Variants in TRIM66 observed in about 807,000 individuals in gnomAD.
TRIM66 encodes tripartite motif containing 66.
TRIM66 carries 99 observed loss-of-function variants against 148.2 expected under a neutral mutation model. That is an observed-to-expected ratio of 0.67 (90% CI 0.57 to 0.79). The LOEUF is 0.79. Ranked by LOEUF, TRIM66 falls within the 30% of genes least tolerant of loss-of-function variation. TRIM66 has a pLI of 0.00. For missense variants in TRIM66, 1,666 were observed against 1,697.9 expected (o/e 0.98, Z 0.33); for synonymous variants, 616 against 635.9 (o/e 0.97, Z 0.47).
chr11:8,638,813 A>T lies in TRIM66; in HGVS notation c.2151T>A (p.Ala717=), dbSNP rs931717118. 15 of 1,550,302 alleles carry T rather than the reference A, an allele frequency of 9.7e-6. No individual in the cohort carries two copies. Among genetic ancestry groups the T allele is most frequent in the Middle Eastern group, 1.7e-4 (1 of 6,000 alleles). The stretch of plus-strand genomic sequence containing the variant: ...CCTGAGATGCTGGGGGCTCATCTGT[A>T]GCCTGGAGAAGAAAATAAGAACTTG... ...QSQSQEETLQ[A]TDEPPASQGS... Residue 717 remains alanine, a splice_region_variant and synonymous_variant, in exon 15 of 25, where the codon GCT becomes GCA. Transcript: ENST00000646038.
intron 12 of TRIM66, among the ~76,000 whole-genome samples, chr11:8,643,603 A>C (rs112853000): frequency 2.4e-3 from 372 of 152,158 alleles, no homozygotes; most frequent in African/African-American, 8.6e-3. Context: ...CGGCCTCCCA[A>C]AGTGCTGGAA....
At chr11:8,670,203 G>A (rs2038856855) in intron 6 of TRIM66, among the ~76,000 whole-genome samples, 3 of 152,010 alleles carry the variant, frequency 2.0e-5, no homozygotes, top group South Asian at 2.1e-4. Flanking sequence ...AGTAGAGATA[G>A]GGTTTCACCA....
intron 1 of TRIM66, among the ~76,000 whole-genome samples, chr11:8,682,008 C>T (rs1680811520): frequency 1.3e-5 from 2 of 152,146 alleles, no homozygotes; most frequent in South Asian, 4.1e-4. Flanking sequence ...GAAATCCTCC[C>T]GCCTCGACCT....
intron 6 of TRIM66, among the ~76,000 whole-genome samples, chr11:8,660,872 T>C (rs373395503): frequency 2.2e-4 from 33 of 152,316 alleles, no homozygotes; most frequent in African/African-American, 7.9e-4. Context: ...ATTATAGATA[T>C]GAAAGTGTGA....
At chr11:8,680,339 AC>A (rs2039352380) in intron 1 of TRIM66, among the ~76,000 whole-genome samples, 1 of 152,222 alleles carries the variant, frequency 6.6e-6, no homozygotes, top group African/African-American at 2.4e-5. Context: ...CGGAATACTA[AC>A]GTGGTGGAGG....
intron 18 of TRIM66, among the ~76,000 whole-genome samples, chr11:8,622,339 A>AACACACACACACACACACACACACACAC (rs150269400): frequency 1.4e-5 from 1 of 71,430 alleles, no homozygotes; most frequent in African/African-American, 4.8e-5. Context: ...ACACACACAC[A>AACACACACACACACACACACACACACAC]ACACACACAC....
At chr11:8,668,662 T>G (rs1049159922) in intron 6 of TRIM66, among the ~76,000 whole-genome samples, 2 of 151,988 alleles carry the variant, frequency 1.3e-5, no homozygotes, top group African/African-American at 4.8e-5. Context: ...CTCGGCTCAC[T>G]GCAATCTCCG....
At chr11:8,650,030 G>A in intron 7 of TRIM66, 143 bp from the exon 8 acceptor site, 1 of 953,244 alleles carries the variant, frequency 1.0e-6, no homozygotes, top group East Asian at 2.7e-5. Flanking sequence ...GAGCTGTCTG[G>A]GAGTAACATG....
rs2033795617 is a variant in TRIM66, at chr11:8,617,508, T to C, written c.*436A>G. ...TGGGCCAGGGATCACAGTCCTGCCA[T>C]ATGTCTAAACCTCTCTCCCTTCTTT... On this transcript the variant is annotated 3_prime_UTR_variant, in exon 25 of 25. Transcript: ENST00000646038. 1.2e-5 allele frequency: 2 copies of C among 165,530 alleles called. No homozygotes were observed. Among genetic ancestry groups the C allele is most frequent in the Non-Finnish European group, 2.6e-5 (2 of 76,250 alleles). The allele number at this position is 165,530 out of a possible 1,614,324, so 10.3% of individuals were successfully genotyped here.
intron 13 of TRIM66, 123 bp downstream of exon 13, chr11:8,642,886 C>A: frequency 1.5e-4 from 49 of 335,062 alleles, no homozygotes; most frequent in South Asian, 2.3e-4. Context: ...TGAATGATTC[C>A]ATGACCACTG....
chr11:8,622,380 A>ATATATATATATATATATC (rs1565477382), intron 18 of TRIM66, among the ~76,000 whole-genome samples: 1 of 128,488 alleles, frequency 7.8e-6, no homozygotes, highest in Non-Finnish European at 1.7e-5. Context: ...ATATATATAT[A>ATATATATATATATATATC]TATCTCCTAC....
In TRIM66 at chr11:8,619,634, A is replaced by G. The variant is rs532196763; in HGVS notation, c.3748-99T>C. The G allele has an allele frequency of 3.4e-6, 4 of 1,185,456 alleles. No individual in the cohort carries two copies. In the South Asian group the frequency reaches 7.0e-5, roughly 21 times the overall value. The allele number at this position is 1,185,456 out of a possible 1,614,324, so 73.4% of individuals were successfully genotyped here. ...GAAGAAATGGAAAATGAGGTGAAAT[A>G]TAAGTGAAAGAATAGGAAGAGGAAT... On this transcript the variant is annotated intron_variant, in intron 22 of 24. Transcript: ENST00000646038.
At chr11:8,675,653 A>C (rs530616452) in intron 3 of TRIM66, among the ~76,000 whole-genome samples, 1 of 152,314 alleles carries the variant, frequency 6.6e-6, no homozygotes, top group African/African-American at 2.4e-5. Context: ...AAGTGCTGGG[A>C]TTACAGGCAT....
At chr11:8,672,191 T>A (rs1030057166) in intron 5 of TRIM66, 57 bp downstream of exon 5, 2 of 1,534,990 alleles carry the variant, frequency 1.3e-6, no homozygotes, top group African/African-American at 1.4e-5. Flanking sequence ...GCCTCAAAAG[T>A]CCAGGCCATG....
chr11:8,660,806 A>C (rs2038196801), intron 6 of TRIM66, among the ~76,000 whole-genome samples: 1 of 152,226 alleles, frequency 6.6e-6, no homozygotes, highest in Non-Finnish European at 1.5e-5. Context: ...AAGTTTGTGT[A>C]GGATGTTTCA....
At position 8,643,009 on chromosome 11, in the gene TRIM66, C is replaced by A. The variant is rs2036538326; in HGVS notation, c.1222G>T (p.Gly408Cys). The A allele has an allele frequency of 6.5e-7, 1 of 1,549,426 alleles. No homozygotes were observed. The highest frequency in any genetic ancestry group is 1.2e-5 in the South Asian group (1 of 83,696). Residue 408 changes from glycine to cysteine, a missense_variant and splice_region_variant, in exon 13 of 25, where the codon GGC becomes TGC. By Grantham distance (159) the Gly-to-Cys change is radical (BLOSUM62 -3). Coordinates refer to ENST00000646038, the MANE Select transcript of TRIM66 (RefSeq NM_001388022.1). ...NFWTKQLASL[G>C]CITTEGGQMS... ...CCTGGGTGGGTGGGTCCAAGCTCAC[C>A]AAGAGAAGCTAGCTGCTTGGTCCAG... is the stretch of plus-strand genomic sequence containing the variant.
chr11:8,671,610 T>G (rs762932600), intron 6 of TRIM66, 176 bp downstream of exon 6: 11 of 586,206 alleles, frequency 1.9e-5, no homozygotes, highest in African/African-American at 5.6e-5. Flanking sequence ...ACAGATATAT[T>G]AGGCATCAAG....
chr11:8,657,595 T>C (rs2037938493), intron 6 of TRIM66, among the ~76,000 whole-genome samples: 1 of 152,160 alleles, frequency 6.6e-6, no homozygotes, highest in South Asian at 2.1e-4. Context: ...TATGCCTCTG[T>C]CAGACACTAA....
chr11:8,671,074 A>G (rs951265620), intron 6 of TRIM66, among the ~76,000 whole-genome samples: 4 of 152,222 alleles, frequency 2.6e-5, no homozygotes, highest in Non-Finnish European at 5.9e-5. Flanking sequence ...CCAGTGCTAT[A>G]ATGCCTCACA....
Sources: allele counts gnomAD v4.1 joint callset (sites outside exome capture counted in the v4.1 genomes callset), GRCh38; gene constraint gnomAD v4.1.1; transcripts MANE v1.5; gene names NCBI Gene and HGNC (gene_info 2026-07-23, HGNC 2026-07-21).